The following RORA variants were observed in gnomAD, a reference collection of about 807,000 sequenced individuals.
RORA encodes nuclear receptor ROR-alpha.
In RORA, 7 loss-of-function variants were observed where a neutral mutation model predicts 69.5. The observed-to-expected ratio is 0.10, with a 90% CI of 0.06 to 0.19. The LOEUF is 0.19. Among genes scored for constraint, RORA ranks in the 10% least tolerant of loss-of-function variants. The pLI, the probability that RORA is intolerant of heterozygous loss-of-function variation, is 1.00. For missense variants in RORA, 457 were observed against 663.0 expected, an observed-to-expected ratio of 0.69 and a Z score of 3.41; for synonymous variants, 261 against 240.8, an observed-to-expected ratio of 1.08 and a Z score of -0.78.
chr15:60,847,658 T>C (rs2140410384), intron 1 of RORA: 1 of 152,028 alleles, frequency 6.6e-6, no homozygotes, highest in East Asian at 1.9e-4. Flanking sequence ...AAACCCACAC[T>C]AGATATTGAA....
At chr15:60,913,513 C>T (rs998517872) in intron 1 of RORA, among the ~76,000 whole-genome samples, 9 of 152,210 alleles carry the variant, frequency 5.9e-5, no homozygotes, top group African/African-American at 7.2e-5. Context: ...GTGACTGCCA[C>T]GTGACAGGCT....
At chr15:61,037,224 C>T (rs752214551) in intron 1 of RORA, among the ~76,000 whole-genome samples, 4 of 152,074 alleles carry the variant, frequency 2.6e-5, no homozygotes, top group African/African-American at 9.7e-5. Flanking sequence ...CCAGACATGT[C>T]GTAAGTGCAT....
intron 3 of RORA, among the ~76,000 whole-genome samples, chr15:60,515,452 G>A (rs2065834028): frequency 1.3e-5 from 2 of 152,088 alleles, no homozygotes; most frequent in Admixed American, 1.3e-4. Flanking sequence ...GTCAAGTGCT[G>A]TTTGGGAAAT....
intron 2 of RORA, chr15:60,615,038 A>G (rs759059669): frequency 1.2e-6 from 2 of 1,610,704 alleles, no homozygotes; most frequent in Non-Finnish European, 1.7e-6. Context: ...CTGTCAGGGA[A>G]AACAGAACAG....
chr15:60,506,288 T>G (rs1488236960), intron 5 of RORA, among the ~76,000 whole-genome samples: 1 of 152,132 alleles, frequency 6.6e-6, no homozygotes, highest in Non-Finnish European at 1.5e-5. Context: ...TGGTACCTAT[T>G]TCACAGGGCT....
intron 1 of RORA, among the ~76,000 whole-genome samples, chr15:61,005,749 A>C (rs1595873523): frequency 6.6e-6 from 1 of 152,336 alleles, no homozygotes; most frequent in East Asian, 1.9e-4. Flanking sequence ...ACAAATGAAG[A>C]AACTGGAAAA....
intron 2 of RORA, among the ~76,000 whole-genome samples, chr15:60,664,924 T>G (rs2070358693): frequency 6.6e-6 from 1 of 152,174 alleles, no homozygotes; most frequent in Non-Finnish European, 1.5e-5. Context: ...AAGCTGCATA[T>G]GAAGGCTAAA....
intron 1 of RORA, among the ~76,000 whole-genome samples, chr15:60,884,619 A>G (rs1595791202): frequency 6.6e-6 from 1 of 152,232 alleles, no homozygotes; most frequent in South Asian, 2.1e-4. Context: ...GACAGCCTGT[A>G]TAACAGGGTG....
chr15:61,160,879 A>G (rs1008315904), intron 1 of RORA, among the ~76,000 whole-genome samples: 1 of 152,180 alleles, frequency 6.6e-6, no homozygotes, highest in Non-Finnish European at 1.5e-5. Flanking sequence ...CATTTGCCCA[A>G]TGAATGAAGG....
intron 1 of RORA, among the ~76,000 whole-genome samples, chr15:61,022,050 G>A (rs1895554901): frequency 6.6e-6 from 1 of 152,196 alleles, no homozygotes; most frequent in Non-Finnish European, 1.5e-5. Flanking sequence ...TTACACAAGG[G>A]ACTACAGGGT....
intron 1 of RORA, among the ~76,000 whole-genome samples, chr15:60,960,522 C>CAGCT (rs1426282180): frequency 6.6e-6 from 1 of 152,144 alleles, no homozygotes; most frequent in Non-Finnish European, 1.5e-5. Context: ...GGAGTCTGTG[C>CAGCT]AGCTGATCTA....
chr15:61,044,369 C>T (rs941449759), intron 1 of RORA, among the ~76,000 whole-genome samples: 3 of 152,116 alleles, frequency 2.0e-5, no homozygotes, highest in South Asian at 2.1e-4. Flanking sequence ...GTCACTCTGC[C>T]GAGTCGCCCT....
At chr15:60,735,875 T>C (rs1002049602) in intron 1 of RORA, among the ~76,000 whole-genome samples, 2 of 152,154 alleles carry the variant, frequency 1.3e-5, no homozygotes, top group Non-Finnish European at 2.9e-5. Context: ...AGCAGGAAGG[T>C]CAACTCACCA....
chr15:60,846,742 A>G (rs2073270445), intron 1 of RORA, among the ~76,000 whole-genome samples: 1 of 152,236 alleles, frequency 6.6e-6, no homozygotes, highest in Admixed American at 6.5e-5. Flanking sequence ...GGGCCAGCCC[A>G]TCTCCTAAAA....
intron 1 of RORA, among the ~76,000 whole-genome samples, chr15:60,861,438 T>G (rs1314454697): frequency 3.3e-5 from 5 of 152,134 alleles, no homozygotes; most frequent in African/African-American, 9.7e-5. Context: ...GGCTCACCAG[T>G]GTGGCATGGT....
At chr15:60,775,699 AAAC>A (rs1212013612) in intron 1 of RORA, among the ~76,000 whole-genome samples, 1 of 152,158 alleles carries the variant, frequency 6.6e-6, no homozygotes, top group African/African-American at 2.4e-5. Flanking sequence ...CCCTGGGGGG[AAAC>A]AACGGTCTCT....
At chr15:60,908,265 G>A (rs1891602255) in intron 1 of RORA, among the ~76,000 whole-genome samples, 1 of 152,192 alleles carries the variant, frequency 6.6e-6, no homozygotes, top group Non-Finnish European at 1.5e-5. Flanking sequence ...CGCTTTTGGT[G>A]TCCAGAGGCA....
intron 1 of RORA, among the ~76,000 whole-genome samples, chr15:60,809,789 GT>G (rs34269284): frequency 1.3e-3 from 194 of 150,262 alleles, no homozygotes; most frequent in Non-Finnish European, 2.3e-3. Flanking sequence ...ATAATATTAT[GT>G]TTTTTTTTTC....
chr15:60,753,119 C>T, intron 1 of RORA, among the ~76,000 whole-genome samples: 1 of 152,166 alleles, frequency 6.6e-6, no homozygotes, highest in East Asian at 1.9e-4. Context: ...AAAACTGTAG[C>T]CCATGATTCC....
Sources: gnomAD v4.1 joint callset for allele counts (sites outside exome capture counted in the v4.1 genomes callset) on GRCh38, gnomAD v4.1.1 for gene constraint, MANE v1.5 for transcripts, NCBI Gene and HGNC (gene_info 2026-07-23, HGNC 2026-07-21) for gene names.